KANK1: variants seen among roughly 807,000 people sequenced by gnomAD.
KANK1 encodes KN motif and ankyrin repeat domains 1.
Under a neutral mutation model 106.2 loss-of-function variants are expected in KANK1, and 109 were observed. That is an observed-to-expected ratio of 1.03 (90% confidence interval 0.88 to 1.20). KANK1 has a LOEUF of 1.20. Ranked by LOEUF, KANK1 falls within the 50% of genes most tolerant of loss-of-function variation. The probability of loss-of-function intolerance (pLI) is 0.00; values close to 1 mark genes in which losing one functional copy is unlikely to be tolerated. For synonymous variants in KANK1, 873 were observed against 652.2 expected (o/e 1.34, Z -5.16); for missense variants, 2,399 against 1,710.7 (o/e 1.40, Z -7.10).
intron 1 of KANK1, among the ~76,000 whole-genome samples, chr9:660,551 C>T (rs1001814669): frequency 1.3e-5 from 2 of 152,114 alleles, no homozygotes; most frequent in Admixed American, 6.6e-5. Flanking sequence ...GCAGTAGGCG[C>T]CTGGCAGTGT....
chr9:482,934 A>T (rs1272553918), intron 3 of KANK1, among the ~76,000 whole-genome samples: 1 of 152,200 alleles, frequency 6.6e-6, no homozygotes, highest in Non-Finnish European at 1.5e-5. Flanking sequence ...GGTGTGAATC[A>T]TCTTTTTGTC....
At chr9:491,668 A>C (rs546755016) in intron 3 of KANK1, among the ~76,000 whole-genome samples, 2 of 152,264 alleles carry the variant, frequency 1.3e-5, no homozygotes, top group South Asian at 4.1e-4. Context: ...GGGGCGAGAA[A>C]AGGGAAACGT....
chr9:505,237 C>G (rs896339036), intron 1 of KANK1, among the ~76,000 whole-genome samples: 4 of 152,140 alleles, frequency 2.6e-5, no homozygotes, highest in Non-Finnish European at 4.4e-5. Flanking sequence ...TTGCCCTTCG[C>G]GGGAGGGAGT....
chr9:641,398 T>A (rs1365428053), intron 1 of KANK1, among the ~76,000 whole-genome samples: 1 of 152,212 alleles, frequency 6.6e-6, no homozygotes, highest in Non-Finnish European at 1.5e-5. Flanking sequence ...AGAACATCCA[T>A]CTTGGTGGTG....
upstream of KANK1, among the ~76,000 whole-genome samples, chr9:503,957 G>A (rs10116973): frequency 6.6e-6 from 1 of 152,030 alleles, no homozygotes; most frequent in Non-Finnish European, 1.5e-5. Flanking sequence ...CCTTTCCGCC[G>A]AGGACTCTGT....
At chr9:572,700 T>A (rs1045776698) in intron 1 of KANK1, among the ~76,000 whole-genome samples, 1 of 152,176 alleles carries the variant, frequency 6.6e-6, no homozygotes, top group African/African-American at 2.4e-5. Context: ...CCAGCCCTAC[T>A]TTTGCTTTTT....
upstream of KANK1, among the ~76,000 whole-genome samples, chr9:501,943 G>A (rs191910759): frequency 2.4e-4 from 36 of 152,258 alleles, no homozygotes; most frequent in East Asian, 6.9e-3. Context: ...CTTAGTAAAC[G>A]GTTCTATTCA....
At chr9:724,936 TTGCTTAAAA>T (rs1830287127) in intron 3 of KANK1, among the ~76,000 whole-genome samples, 2 of 152,222 alleles carry the variant, frequency 1.3e-5, no homozygotes, top group South Asian at 4.1e-4. Context: ...TTTATCTACT[TTGCTTAAAA>T]TAAGTCAAAG....
intron 1 of KANK1, among the ~76,000 whole-genome samples, chr9:583,683 T>C (rs1240712852): frequency 6.7e-6 from 1 of 149,966 alleles, no homozygotes; most frequent in African/African-American, 2.4e-5. Context: ...TTAATATTAA[T>C]ATATAAATAT....
At chr9:517,632 A>T (rs1429674464) in intron 1 of KANK1, among the ~76,000 whole-genome samples, 2 of 151,618 alleles carry the variant, frequency 1.3e-5, no homozygotes, top group African/African-American at 4.9e-5. Flanking sequence ...CTTCCTGAGA[A>T]AGAGTGGGGA....
chr9:532,739 C>G (rs1012384624), intron 1 of KANK1, among the ~76,000 whole-genome samples: 6 of 152,148 alleles, frequency 3.9e-5, no homozygotes, highest in African/African-American at 1.4e-4. Flanking sequence ...TTTGGAATAT[C>G]TTGGAAGTGC....
chr9:603,878 G>GA (rs1454720003), intron 1 of KANK1, among the ~76,000 whole-genome samples: 2 of 148,376 alleles, frequency 1.3e-5, no homozygotes, highest in East Asian at 3.9e-4. Context: ...AGAATCACTT[G>GA]AACCCGGGAG....
At position 725,755 on chromosome 9, in the gene KANK1, T is replaced by C. The variant is rs75270584; in HGVS notation, c.2699-4296T>C. 3.5e-3 allele frequency among the ~76,000 whole-genome samples: 532 copies of C among 152,274 alleles called. 4 individuals are homozygous for C. The highest frequency in any genetic ancestry group is 0.012 in the African/African-American group (485 of 41,556). ...TGTCACAGGTGATTCTTATGAAGAATAGAACTCAGAGCAGTTTTAGGGCTT... is the reference window on the plus strand; with the variant it reads ...TGTCACAGGTGATTCTTATGAAGAACAGAACTCAGAGCAGTTTTAGGGCTT... On this transcript the variant is annotated intron_variant, in intron 3 of 11. Transcript: ENST00000382297.
At chr9:633,473 CAAAA>C (rs903879395) in intron 1 of KANK1, among the ~76,000 whole-genome samples, 3 of 151,720 alleles carry the variant, frequency 2.0e-5, no homozygotes, top group South Asian at 4.2e-4. Flanking sequence ...CAAAACAAAA[CAAAA>C]AAAACACCTT....
At chr9:642,768 T>G (rs1838770682) in intron 1 of KANK1, among the ~76,000 whole-genome samples, 1 of 149,924 alleles carries the variant, frequency 6.7e-6, no homozygotes, top group Non-Finnish European at 1.5e-5. Flanking sequence ...TGTCACCTTT[T>G]TTTTTTCTCT....
rs775095975 is a variant in KANK1, at chr9:711,303, C to T, written c.537C>T (p.Phe179=). Residue 179 remains phenylalanine (F), a synonymous_variant, in exon 3 of 12, where the codon TTC becomes TTT. Coordinates refer to ENST00000382297, the MANE Select transcript of KANK1 (RefSeq NM_015158.5). ...CCATGCAGATGACACCGGGTGAGTT[C>T]AGAAGGCCCAGGCTGGCCAGTTTTG... The part of the protein sequence containing the change: ...RATMQMTPGE[F]RRPRLASFGG... The T allele has an allele frequency of 6.2e-7, 1 of 1,614,166 alleles. No individual in the cohort carries two copies. The highest frequency in any genetic ancestry group is 1.1e-5 in the South Asian group (1 of 91,066).
intron 2 of KANK1, among the ~76,000 whole-genome samples, chr9:691,234 T>C (rs560673475): frequency 1.3e-5 from 2 of 152,204 alleles, no homozygotes; most frequent in South Asian, 2.1e-4. Context: ...TTTAGCAAAA[T>C]GATTGACTTT....
intron 1 of KANK1, among the ~76,000 whole-genome samples, chr9:596,488 C>A (rs1345783264): frequency 6.6e-6 from 1 of 151,772 alleles, no homozygotes; most frequent in Non-Finnish European, 1.5e-5. Context: ...GGCAATGGAT[C>A]ATTTTGCTGT....
intron 3 of KANK1, among the ~76,000 whole-genome samples, chr9:727,147 A>C (rs1292535922): frequency 6.6e-6 from 1 of 152,174 alleles, no homozygotes; most frequent in Non-Finnish European, 1.5e-5. Flanking sequence ...TTACAAGCAG[A>C]CTGTCTGCCT....
Sources: gnomAD v4.1 joint callset for allele counts (sites outside exome capture counted in the v4.1 genomes callset) on GRCh38, gnomAD v4.1.1 for gene constraint, MANE v1.5 for transcripts, NCBI Gene and HGNC (gene_info 2026-07-23, HGNC 2026-07-21) for gene names.